Variants in NPC1 observed in about 807,000 individuals in gnomAD.
NPC1 encodes the protein Niemann-Pick C1 protein.
Under a neutral mutation model 140.4 loss-of-function variants are expected in NPC1, and 85 were observed. The ratio of observed to expected loss-of-function variants is 0.61; its 90% CI spans 0.51 to 0.72. The LOEUF is 0.72. NPC1 is among the 30% of genes least tolerant of loss of function. The pLI, the probability that NPC1 is intolerant of heterozygous loss-of-function variation, is 0.00. For synonymous variants in NPC1, 656 were observed against 624.8 expected (o/e 1.05, Z -0.74); for missense variants, 1,504 against 1,623.8 (o/e 0.93, Z 1.27).
At position 23,544,998 on chromosome 18, in the gene NPC1, G is replaced by C. The variant is rs777721086; in HGVS notation, c.1909C>G (p.Leu637Val). ...SYAIMFLYIS[L>V]ALGHMKSCRR... is the part of the protein sequence containing the mutation. ...CAGCTTTTCATGTGCCCCAAGGCTA[G>C]GGAAATATATAGAAACATGATGGCA... The change falls in exon 12 of 25, where the codon CTA (leucine) becomes GTA (valine). Residue 637 changes from leucine (L) to valine (V), a missense_variant. Physicochemically the swap from Leu to Val is conservative, Grantham distance 32. Coordinates refer to ENST00000269228, the MANE Select transcript of NPC1 (RefSeq NM_000271.5). 6 of 1,599,750 alleles carry C rather than the reference G, an allele frequency of 3.8e-6. No homozygotes were observed. In the South Asian group the frequency reaches 4.4e-5, roughly 12 times the overall value.
At chr18:23,534,004 TA>T (rs781656310) in intron 23 of NPC1, 5 of 319,050 alleles carry the variant, frequency 1.6e-5, no homozygotes, top group South Asian at 3.1e-5. Flanking sequence ...GGTGAAAACT[TA>T]AATATTTAAA....
At chr18:23,585,775 T>C (rs915620791) in intron 1 of NPC1, among the ~76,000 whole-genome samples, 25 of 152,166 alleles carry the variant, frequency 1.6e-4, no homozygotes, top group Admixed American at 1.2e-3. Flanking sequence ...TGATGAAAAG[T>C]AACCTGCCCT....
chr18:23,531,616 C>CT lies in NPC1; in HGVS notation c.*585_*586insA, dbSNP rs1310122275. 6.8e-6 allele frequency: 11 copies of CT among 1,609,720 alleles called. No homozygotes were observed. In the Admixed American group the frequency reaches 1.9e-4, roughly 27 times the overall value. On this transcript the variant is annotated 3_prime_UTR_variant, in exon 25 of 25. Transcript: ENST00000269228. Reference sequence around the variant, plus strand: ...CATCTAACTGGCAATTAAATCTCTTCCTTTCTAGGGGAACACTGTGAAGAA... The same window carrying CT: ...CATCTAACTGGCAATTAAATCTCTTCTCTTTCTAGGGGAACACTGTGAAGAA...
rs1227284589 is a variant in NPC1 at position 23,570,849 on chromosome 18, ACAG to A, written c.287+1222_287+1224del. ...CTAAGTTTGACAAAACCAGCCAGCTACAGCAGAACAAAATTTTTAACAGCTCCC... is the reference window on the plus strand; with the variant it reads ...CTAAGTTTGACAAAACCAGCCAGCTACAGAACAAAATTTTTAACAGCTCCC... On this transcript the variant is annotated intron_variant, in intron 3 of 24. Transcript: ENST00000269228. 8.5e-5 allele frequency among the ~76,000 whole-genome samples: 13 copies of A among 152,344 alleles called. 1 individual carries two copies. Among genetic ancestry groups the A allele is most frequent in the Middle Eastern group, 3.4e-3 (1 of 294 alleles).
At chr18:23,549,742 C>CTT (rs1000073339) in intron 10 of NPC1, among the ~76,000 whole-genome samples, 12 of 138,000 alleles carry the variant, frequency 8.7e-5, no homozygotes, top group East Asian at 2.1e-4. Flanking sequence ...TTTTTCACAA[C>CTT]TTTTTTTTTT....
chr18:23,509,929 A>G (rs2057806721), intron 3 of NPC1, among the ~76,000 whole-genome samples: 1 of 151,186 alleles, frequency 6.6e-6, no homozygotes, highest in African/African-American at 2.4e-5. Context: ...TCAAACTCCT[A>G]ACCTCAACTC....
chr18:23,558,385 A>G (rs936523861), intron 6 of NPC1, among the ~76,000 whole-genome samples: 6 of 152,268 alleles, frequency 3.9e-5, no homozygotes, highest in African/African-American at 1.4e-4. Context: ...TGATGCACCG[A>G]GAAAGACATA....
intron 3 of NPC1, among the ~76,000 whole-genome samples, chr18:23,516,713 T>C (rs1421695915): frequency 7.0e-6 from 1 of 142,548 alleles, no homozygotes; most frequent in Admixed American, 7.9e-5. Flanking sequence ...ATCTTTGTTT[T>C]AGAATTTCTT....
At chr18:23,570,817 T>C (rs141947110) in intron 3 of NPC1, among the ~76,000 whole-genome samples, 1,785 of 152,272 alleles carry the variant, frequency 0.012, 38 homozygotes, top group African/African-American at 0.041. Context: ...ACAGAACAGA[T>C]AAAAAACTAA....
chr18:23,509,263 G>A, intron 3 of NPC1: 1 of 1,442,002 alleles, frequency 6.9e-7, no homozygotes, highest in Non-Finnish European at 9.2e-7. Context: ...ACAGATCAAG[G>A]AATCGAATTT....
intron 20 of NPC1, 103 bp downstream of exon 20, chr18:23,538,439 A>AAG: frequency 7.1e-7 from 1 of 1,403,032 alleles, no homozygotes. Flanking sequence ...TGGGGCGGAG[A>AAG]AGAGACGTTC....
At chr18:23,518,439 A>C (rs1370193921), downstream of NPC1, among the ~76,000 whole-genome samples, 1 of 152,122 alleles carries the variant, frequency 6.6e-6, no homozygotes, top group Non-Finnish European at 1.5e-5. Flanking sequence ...GGTTGCAGTG[A>C]GCTGTGGTTG....
chr18:23,560,498 G>T lies in NPC1; in HGVS notation c.632-18C>A, dbSNP rs1477834454. 6.2e-7 allele frequency: 1 copy of T among 1,613,548 alleles called. No homozygotes were observed. Among genetic ancestry groups the T allele is most frequent in the Non-Finnish European group, 8.5e-7 (1 of 1,179,906 alleles). On this transcript the variant is annotated intron_variant, in intron 5 of 24. Coordinates refer to ENST00000269228, the MANE Select transcript of NPC1 (RefSeq NM_000271.5). Reference sequence around the variant, plus strand: ...TGGAAAATCTACAGAAAGGAATTGTGTTGAGTACAAATCTCAATTAAAAAC... The same window carrying T: ...TGGAAAATCTACAGAAAGGAATTGTTTTGAGTACAAATCTCAATTAAAAAC...
rs55809701 is a variant in NPC1 at position 23,544,943 on chromosome 18, A to ACCGCCC, written c.1947+16_1947+17insGGGCGG. On this transcript the variant is annotated intron_variant, in intron 12 of 24. Transcript: ENST00000269228. ...GCTGTTAACCTCTAGAACATACACC[A>ACCGCCC]CCCCCCCCCGGCTTACCAGAAGCCT... is the stretch of plus-strand genomic sequence containing the variant. 18 of 1,042,304 alleles carry ACCGCCC rather than the reference A, an allele frequency of 1.7e-5. No individual in the cohort carries two copies. Among genetic ancestry groups the ACCGCCC allele is most frequent in the South Asian group, 1.3e-4 (10 of 74,782 alleles). The allele number at this position is 1,042,304 out of a possible 1,614,324, so 64.6% of individuals were successfully genotyped here. A position where few individuals can be genotyped will look rare whatever the true frequency, so the allele number is the denominator to read the frequency against.
Position 23,540,500 on chromosome 18 carries a change from G to A in NPC1, c.2552C>T (p.Ala851Val). 5 of 1,612,754 alleles carry A rather than the reference G, an allele frequency of 3.1e-6. No individual in the cohort carries two copies. The highest frequency in any genetic ancestry group is 4.2e-6 in the Non-Finnish European group (5 of 1,179,266). ...TCCAATATCTACTTTGTTCAGGACT[G>A]CGATGCTGAATGACAGAACACCCAC... The part of the protein sequence containing the change: ...IFVGVLSFSI[A>V]VLNKVDIGLD... Residue 851 changes from alanine (A) to valine (V), a missense_variant, in exon 17 of 25, where the codon GCA becomes GTA. Ala to Val is a moderately conservative substitution (Grantham distance 64). Coordinates refer to ENST00000269228, the MANE Select transcript of NPC1 (RefSeq NM_000271.5).
downstream of NPC1, chr18:23,520,192 T>TC (rs748071437): frequency 1.6e-5 from 25 of 1,607,052 alleles, no homozygotes; most frequent in Admixed American, 5.0e-5. Flanking sequence ...CTTGTCTTTT[T>TC]CCCCCCCAGA....
chr18:23,516,494 T>C, intron 3 of NPC1: 1 of 1,508,786 alleles, frequency 6.6e-7, no homozygotes, highest in South Asian at 1.1e-5. Flanking sequence ...AGGAGTGTGT[T>C]ACAAGCACCA....
intron 3 of NPC1, chr18:23,506,926 A>C: frequency 1.6e-6 from 2 of 1,286,348 alleles, no homozygotes; most frequent in Non-Finnish European, 2.2e-6. Flanking sequence ...GGTAGTAGCT[A>C]GAATTCGGTT....
At chr18:23,509,019 T>C (rs1228115325) in intron 3 of NPC1, among the ~76,000 whole-genome samples, 3 of 152,248 alleles carry the variant, frequency 2.0e-5, no homozygotes, top group South Asian at 2.1e-4. Context: ...TGAAGAGTTA[T>C]GGGCAAAAAT....
Sources: allele counts gnomAD v4.1 joint callset (sites outside exome capture counted in the v4.1 genomes callset), GRCh38; gene constraint gnomAD v4.1.1; transcripts MANE v1.5; gene names NCBI Gene and HGNC (gene_info 2026-07-23, HGNC 2026-07-21).